Variants in LARP7 observed in about 807,000 individuals in gnomAD.
LARP7 encodes La ribonucleoprotein 7, transcriptional regulator, also known as la-related protein 7.
A neutral mutation model predicts 69.3 loss-of-function variants in LARP7; 52 were observed. The ratio of observed to expected loss-of-function variants is 0.75; its 90% CI spans 0.60 to 0.95. The LOEUF (loss-of-function observed/expected upper bound fraction) is 0.95. Ranked by LOEUF, LARP7 falls within the 40% of genes least tolerant of loss-of-function variation. LARP7 has a pLI of 0.00. For synonymous variants in LARP7, 254 were observed against 215.9 expected (o/e 1.18, Z -1.55); for missense variants, 733 against 673.0 (o/e 1.09, Z -0.99).
At chr4:112,639,445 TG>T (rs1441981918) in intron 1 of LARP7, among the ~76,000 whole-genome samples, 1 of 152,156 alleles carries the variant, frequency 6.6e-6, no homozygotes, top group Non-Finnish European at 1.5e-5. Flanking sequence ...TTAGCCAGGA[TG>T]GTCTCCATCT....
intron 8 of LARP7, chr4:112,648,666 G>A (rs563599426): frequency 1.0e-5 from 4 of 390,832 alleles, no homozygotes; most frequent in Middle Eastern, 4.3e-4. Context: ...TCCTGAACTA[G>A]TTCCCAAAGA....
chr4:112,647,416 T>G lies in LARP7; in HGVS notation c.864T>G (p.Pro288=). The change falls in exon 7 of 13, where the codon CCT becomes CCG. Residue 288 remains proline (P), a synonymous_variant. Transcript: ENST00000344442. The part of the protein sequence containing the change: ...KRDRVEASSL[P]EVRTGKRKRS... ...ACAGAGTTGAAGCATCTAGCTTACC[T>G]GAAGTCAGAACAGGGAAGAGGAAGA... is the stretch of plus-strand genomic sequence containing the variant. 1 of 1,614,022 alleles carries G rather than the reference T, an allele frequency of 6.2e-7. No individual in the cohort carries two copies. The highest frequency in any genetic ancestry group is 1.1e-5 in the South Asian group (1 of 91,072).
intron 1 of LARP7, chr4:112,637,997 A>G (rs1175773952): frequency 6.6e-6 from 1 of 152,344 alleles, no homozygotes; most frequent in Non-Finnish European, 1.5e-5. Flanking sequence ...GCATGTACCT[A>G]TTAAAACATT....
Position 112,647,328 on chromosome 4 carries a change from A to T in LARP7, c.776A>T (p.Glu259Val). Residue 259 changes from glutamate (E) to valine (V), a missense_variant, in exon 7 of 13, where the codon GAG becomes GTG. By Grantham distance (121) the Glu-to-Val change is moderately radical. Coordinates refer to ENST00000344442, the MANE Select transcript of LARP7 (RefSeq NM_016648.4). ...ATGAAAAGATCCAGACCCACATCTG[A>T]GGGCTCTGACATTGAGTCCACTGAA... is the stretch of plus-strand genomic sequence containing the variant. ...SKMKRSRPTS[E>V]GSDIESTEPQ... 2 of 1,614,114 alleles carry T rather than the reference A, an allele frequency of 1.2e-6. No individual in the cohort carries two copies. Among genetic ancestry groups the T allele is most frequent in the Non-Finnish European group, 1.7e-6 (2 of 1,180,010 alleles).
chr4:112,657,439 A>G lies in LARP7; in HGVS notation c.*112A>G. The G allele has an allele frequency of 2.2e-6, 1 of 457,764 alleles. No individual in the cohort carries two copies. The highest frequency in any genetic ancestry group is 3.8e-6 in the Non-Finnish European group (1 of 266,136). 28.4% of individuals were successfully genotyped at this position (457,764 alleles called of 1,614,324 possible). A position where few individuals can be genotyped will look rare whatever the true frequency, so the allele number is the denominator to read the frequency against. The stretch of plus-strand genomic sequence containing the variant: ...ATTAATGTGTTTTTAATTAAAAGAA[A>G]TATCTTTGTTCCTCAACTTGTAAAT... On this transcript the variant is annotated 3_prime_UTR_variant, in exon 13 of 13. Transcript: ENST00000344442.
chr4:112,646,481 T>A, intron 3 of LARP7, 30 bp downstream of exon 3: 4 of 1,332,876 alleles, frequency 3.0e-6, no homozygotes, highest in Non-Finnish European at 4.2e-6. Flanking sequence ...ACTGTTTATA[T>A]TTATAGTTTA....
intron 8 of LARP7, among the ~76,000 whole-genome samples, chr4:112,648,941 A>C (rs1012635842): frequency 2.6e-5 from 4 of 151,436 alleles, no homozygotes; most frequent in African/African-American, 4.8e-5. Context: ...AAAAAAGAAA[A>C]AGAAAAAGAA....
In LARP7 at chr4:112,644,758, G is replaced by A. The variant is rs773692861; in HGVS notation, c.89G>A (p.Arg30Gln). The change falls in exon 2 of 13, where the codon CGA (arginine) becomes CAA (glutamine). Residue 30 changes from arginine (R) to glutamine (Q), a missense_variant. Transcript: ENST00000344442. ...GAAGTTGAAAAAAAGAAACGGTCACGAGTTAAACAGGTGCTTGCAGATATT... is the reference window on the plus strand; with the variant it reads ...GAAGTTGAAAAAAAGAAACGGTCACAAGTTAAACAGGTGCTTGCAGATATT... ...KKEVEKKKRS[R>Q]VKQVLADIAK... 10 of 1,609,700 alleles carry A rather than the reference G, an allele frequency of 6.2e-6. No individual in the cohort carries two copies. Among genetic ancestry groups the A allele is most frequent in the East Asian group, 2.2e-5 (1 of 44,676 alleles).
chr4:112,646,323 A>G, intron 2 of LARP7, 28 bp from the exon 3 acceptor site: 2 of 1,121,448 alleles, frequency 1.8e-6, no homozygotes, highest in Middle Eastern at 2.7e-4. Flanking sequence ...CTGATACACT[A>G]ACATATTAAC....
intron 11 of LARP7, 79 bp from the exon 12 acceptor site, chr4:112,653,989 T>C (rs1000925515): frequency 5.2e-6 from 5 of 955,248 alleles, no homozygotes; most frequent in East Asian, 2.4e-5. Flanking sequence ...GTTACTATTA[T>C]TGAGAATGTA....
At chr4:112,645,529 A>T in intron 2 of LARP7, 1 of 456,090 alleles carries the variant, frequency 2.2e-6, no homozygotes, top group Non-Finnish European at 4.4e-6. Flanking sequence ...TTTTTGAGGC[A>T]AGGTCTATCT....
intron 2 of LARP7, 32 bp from the exon 3 acceptor site, chr4:112,646,319 C>T (rs943149448): frequency 9.3e-7 from 1 of 1,080,636 alleles, no homozygotes; most frequent in Non-Finnish European, 1.4e-6. Flanking sequence ...CCTGCTGATA[C>T]ACTAACATAT....
At chr4:112,653,594 C>T (rs548042259) in intron 11 of LARP7, among the ~76,000 whole-genome samples, 48 of 152,312 alleles carry the variant, frequency 3.2e-4, no homozygotes, top group African/African-American at 1.1e-3. Context: ...AAGTGATTCT[C>T]CTGCCTCAGC....
intron 12 of LARP7, among the ~76,000 whole-genome samples, chr4:112,655,954 G>T (rs1003701496): frequency 6.6e-6 from 1 of 152,098 alleles, no homozygotes; most frequent in African/African-American, 2.4e-5. Context: ...ATCTTAGTAA[G>T]TAATGGAAAT....
chr4:112,649,108 G>A (rs958194844), intron 8 of LARP7, among the ~76,000 whole-genome samples: 4 of 152,170 alleles, frequency 2.6e-5, no homozygotes, highest in Admixed American at 2.6e-4. Flanking sequence ...TCCACGGGGT[G>A]TTTTGTTCTA....
chr4:112,655,092 GGT>G (rs1407992341), intron 12 of LARP7, among the ~76,000 whole-genome samples: 1 of 152,042 alleles, frequency 6.6e-6, no homozygotes, highest in Non-Finnish European at 1.5e-5. Context: ...TTTGTGGGGA[GGT>G]GTGAATTTTG....
intron 8 of LARP7, chr4:112,648,448 G>T (rs1389482719): frequency 1.9e-6 from 1 of 534,150 alleles, no homozygotes; most frequent in African/African-American, 1.9e-5. Flanking sequence ...TTCAAATGAG[G>T]TTAGCGTGTT....
chr4:112,643,345 CTG>C (rs2149253841), intron 1 of LARP7, among the ~76,000 whole-genome samples: 1 of 152,284 alleles, frequency 6.6e-6, no homozygotes, highest in African/African-American at 2.4e-5. Flanking sequence ...GGAGAGCAAG[CTG>C]TGTTATCTCT....
chr4:112,653,789 A>G (rs1299013857), intron 11 of LARP7, among the ~76,000 whole-genome samples: 1 of 152,050 alleles, frequency 6.6e-6, no homozygotes. Context: ...GCACCAGGCA[A>G]TTTTTATATT....
Sources: gnomAD v4.1 joint callset for allele counts (sites outside exome capture counted in the v4.1 genomes callset) on GRCh38, gnomAD v4.1.1 for gene constraint, MANE v1.5 for transcripts, NCBI Gene and HGNC (gene_info 2026-07-23, HGNC 2026-07-21) for gene names.